The following HCFC2 variants were observed in gnomAD, a reference collection of about 807,000 sequenced individuals.
HCFC2 encodes host cell factor C2.
In HCFC2, 18 loss-of-function variants were observed where a neutral mutation model predicts 89.2. The observed-to-expected ratio is 0.20, with a 90% CI of 0.14 to 0.30. The LOEUF (loss-of-function observed/expected upper bound fraction) is 0.30. Among genes scored for constraint, HCFC2 ranks in the 10% least tolerant of loss-of-function variants. HCFC2 has a pLI of 1.00. For missense variants in HCFC2, 578 were observed against 956.1 expected (o/e 0.60, Z 5.21); for synonymous variants, 308 against 335.7 (o/e 0.92, Z 0.90).
intron 3 of HCFC2, among the ~76,000 whole-genome samples, chr12:104,069,234 A>T (rs1022448151): frequency 1.1e-4 from 17 of 152,154 alleles, no homozygotes; most frequent in Admixed American, 1.0e-3. Context: ...TGAGCCTGGG[A>T]GGTGGAGGTT....
rs926488961 is a variant in HCFC2, at chr12:104,096,267, C to T, written c.1667-93C>T. ...GCTGTCTTAGCCATTTTTAAGTTTA[C>T]AGTTGGTGGCATTAAATATATATTT... is the stretch of plus-strand genomic sequence containing the variant. On this transcript the variant is annotated intron_variant, in intron 11 of 14. Transcript: ENST00000229330. 44 of 793,722 alleles carry T rather than the reference C, an allele frequency of 5.5e-5. No individual in the cohort carries two copies. The African/African-American group carries it at 7.0e-4, about 13-fold the overall frequency. The allele number at this position is 793,722 out of a possible 1,614,324, so 49.2% of individuals were successfully genotyped here.
chr12:104,101,914 T>G (rs977976188), intron 13 of HCFC2, 54 bp from the exon 14 acceptor site: 1 of 1,140,140 alleles, frequency 8.8e-7, no homozygotes, highest in Non-Finnish European at 1.2e-6. Flanking sequence ...ATTTTTAAAA[T>G]TTTAATATAT....
chr12:104,106,406 C>G lies in HCFC2; in HGVS notation c.*3133C>G, dbSNP rs1207274702. 1 of 152,116 alleles carries G rather than the reference C, an allele frequency of 6.6e-6. No individual in the cohort carries two copies. The highest frequency in any genetic ancestry group is 1.5e-5 in the Non-Finnish European group (1 of 67,986). 9.4% of individuals were successfully genotyped at this position (152,116 alleles called of 1,614,324 possible). A position where few individuals can be genotyped will look rare whatever the true frequency, so the allele number is the denominator to read the frequency against. ...AAGTAGCTTGCAAAATAGACTTGGT[C>G]TTTGACCCTTTAAGGTGTAACTGAC... On this transcript the variant is annotated 3_prime_UTR_variant, in exon 15 of 15. Coordinates refer to ENST00000229330, the MANE Select transcript of HCFC2 (RefSeq NM_013320.3).
At chr12:104,098,726 C>T (rs1413369664) in intron 13 of HCFC2, among the ~76,000 whole-genome samples, 2 of 152,196 alleles carry the variant, frequency 1.3e-5, no homozygotes, top group Non-Finnish European at 2.9e-5. Flanking sequence ...ACTGGCCGGG[C>T]GCAGTGGCTC....
At chr12:104,075,342 TTTTA>T (rs1410781950) in intron 3 of HCFC2, among the ~76,000 whole-genome samples, 18 of 152,116 alleles carry the variant, frequency 1.2e-4, no homozygotes, top group African/African-American at 3.6e-4. Flanking sequence ...TGATTTGTTA[TTTTA>T]TTTATTTCAA....
intron 5 of HCFC2, 123 bp downstream of exon 5, chr12:104,080,953 T>G: frequency 1.7e-6 from 1 of 594,626 alleles, no homozygotes; most frequent in Middle Eastern, 3.8e-4. Flanking sequence ...AGTTTGATTG[T>G]GCTGACTGAA....
chr12:104,078,119 C>T (rs1315770962), intron 3 of HCFC2, among the ~76,000 whole-genome samples: 3 of 152,220 alleles, frequency 2.0e-5, no homozygotes, highest in Non-Finnish European at 4.4e-5. Flanking sequence ...CTGCCTCAGC[C>T]TCCCGAGTAG....
At chr12:104,093,799 G>A (rs1002915977) in intron 10 of HCFC2, among the ~76,000 whole-genome samples, 1 of 149,292 alleles carries the variant, frequency 6.7e-6, no homozygotes, top group Admixed American at 6.7e-5. Context: ...TTAAAGAATA[G>A]CCTCTCCATC....
intron 12 of HCFC2, chr12:104,097,744 A>G (rs1884217139): frequency 1.9e-6 from 1 of 532,230 alleles, no homozygotes; most frequent in Admixed American, 6.4e-5. Flanking sequence ...AGCTTAAGGT[A>G]GAGGAAGTTT....
intron 9 of HCFC2, among the ~76,000 whole-genome samples, chr12:104,090,225 A>G (rs1883985055): frequency 2.0e-5 from 3 of 152,114 alleles, no homozygotes; most frequent in Admixed American, 1.3e-4. Flanking sequence ...ATAGAATCCT[A>G]TATTGGAAGT....
intron 9 of HCFC2, among the ~76,000 whole-genome samples, chr12:104,088,569 A>C (rs1883935213): frequency 6.6e-6 from 1 of 152,232 alleles, no homozygotes; most frequent in East Asian, 1.9e-4. Context: ...ACTAACGAAT[A>C]TGCTTACTAA....
At chr12:104,078,954 A>G (rs552355878) in intron 3 of HCFC2, among the ~76,000 whole-genome samples, 1 of 152,186 alleles carries the variant, frequency 6.6e-6, no homozygotes, top group Non-Finnish European at 1.5e-5. Context: ...AACTTCTTAC[A>G]TGGTGGCTCA....
chr12:104,103,192 A>G lies in HCFC2; in HGVS notation c.2298A>G (p.Ser766=), dbSNP rs1445217633. 6.2e-7 allele frequency: 1 copy of G among 1,614,146 alleles called. No homozygotes were observed. The highest frequency in any genetic ancestry group is 1.1e-5 in the South Asian group (1 of 91,078). The change falls in exon 15 of 15, where the codon TCA becomes TCG. Residue 766 remains serine, a synonymous_variant. Transcript: ENST00000229330. ...TSRPAIVFRI[S]AKNEKGYGPA... Reference sequence around the variant, plus strand: ...GGCCTGCCATTGTGTTCAGGATATCAGCAAAGAATGAAAAGGGATATGGAC... The same window carrying G: ...GGCCTGCCATTGTGTTCAGGATATCGGCAAAGAATGAAAAGGGATATGGAC...
chr12:104,077,607 C>G (rs1883542660), intron 3 of HCFC2, among the ~76,000 whole-genome samples: 1 of 146,724 alleles, frequency 6.8e-6, no homozygotes, highest in Non-Finnish European at 1.5e-5. Context: ...CTATACTTTG[C>G]TTTTTTTTCC....
intron 9 of HCFC2, among the ~76,000 whole-genome samples, chr12:104,090,082 C>T (rs1011895112): frequency 2.0e-5 from 3 of 152,212 alleles, no homozygotes; most frequent in African/African-American, 7.2e-5. Flanking sequence ...GACCTTATTT[C>T]TTCCTCTTTC....
chr12:104,073,234 G>A (rs776231380), intron 3 of HCFC2, among the ~76,000 whole-genome samples: 6 of 147,572 alleles, frequency 4.1e-5, no homozygotes, highest in East Asian at 2.0e-4. Flanking sequence ...GAGCGATCTC[G>A]GCTCACTGCA....
intron 3 of HCFC2, among the ~76,000 whole-genome samples, chr12:104,074,825 G>A (rs1327708209): frequency 2.6e-5 from 4 of 151,720 alleles, no homozygotes; most frequent in African/African-American, 9.7e-5. Flanking sequence ...ATGTAATCAG[G>A]GTTATGTTCT....
chr12:104,086,811 G>A (rs1883864575), intron 7 of HCFC2, 36 bp from the exon 8 acceptor site: 1 of 1,587,000 alleles, frequency 6.3e-7, no homozygotes, highest in African/African-American at 1.3e-5. Context: ...TTATACACTG[G>A]AAACTTAAAT....
At chr12:104,087,646 G>A (rs1388615879) in intron 8 of HCFC2, among the ~76,000 whole-genome samples, 5 of 151,762 alleles carry the variant, frequency 3.3e-5, no homozygotes, top group Non-Finnish European at 5.9e-5. Context: ...ACATAGACAC[G>A]TAGGATAGAT....
Sources: allele counts gnomAD v4.1 joint callset (sites outside exome capture counted in the v4.1 genomes callset), GRCh38; gene constraint gnomAD v4.1.1; transcripts MANE v1.5; gene names NCBI Gene and HGNC (gene_info 2026-07-23, HGNC 2026-07-21).